Variants in PHF21A observed in about 807,000 individuals in gnomAD.
PHF21A encodes the protein BHC80a.
A neutral mutation model predicts 82.5 loss-of-function variants in PHF21A; 11 were observed. The ratio of observed to expected loss-of-function variants is 0.13; its 90% CI spans 0.08 to 0.22. PHF21A has a LOEUF of 0.22. Among genes scored for constraint, PHF21A ranks in the 10% least tolerant of loss-of-function variants. PHF21A has a pLI of 1.00. For synonymous variants in PHF21A, 297 were observed against 302.8 expected, an observed-to-expected ratio of 0.98 and a Z score of 0.20; for missense variants, 579 against 837.8, an observed-to-expected ratio of 0.69 and a Z score of 3.81.
At chr11:46,005,847 T>C (rs147393274) in intron 6 of PHF21A, among the ~76,000 whole-genome samples, 17 of 152,322 alleles carry the variant, frequency 1.1e-4, no homozygotes, top group Non-Finnish European at 1.8e-4. Context: ...GAAACACTTC[T>C]AATGAAATGT....
At chr11:46,052,868 G>A (rs73453970) in intron 6 of PHF21A, among the ~76,000 whole-genome samples, 2,203 of 152,196 alleles carry the variant, frequency 0.014, 47 homozygotes, top group African/African-American at 0.05. Context: ...ATAAGCAAAG[G>A]CATCACAGAA....
chr11:46,020,147 T>G (rs960401801), intron 6 of PHF21A, among the ~76,000 whole-genome samples: 7 of 152,320 alleles, frequency 4.6e-5, no homozygotes, highest in African/African-American at 1.4e-4. Context: ...GTAATCAGGC[T>G]GGGAATATGA....
intron 11 of PHF21A, among the ~76,000 whole-genome samples, chr11:45,950,851 C>T (rs918464842): frequency 2.6e-5 from 4 of 152,166 alleles, no homozygotes; most frequent in African/African-American, 7.2e-5. Flanking sequence ...TCACTTGTCA[C>T]GACTAGGTCA....
At chr11:45,969,180 C>G (rs1026924452) in intron 9 of PHF21A, among the ~76,000 whole-genome samples, 1 of 152,120 alleles carries the variant, frequency 6.6e-6, no homozygotes, top group Non-Finnish European at 1.5e-5. Context: ...GCCTTCCTAC[C>G]AAGGAAGTCA....
intron 1 of PHF21A, among the ~76,000 whole-genome samples, chr11:46,102,833 A>G (rs908296614): frequency 6.6e-6 from 1 of 152,252 alleles, no homozygotes; most frequent in East Asian, 1.9e-4. Flanking sequence ...GTTAAAGCTT[A>G]AGGTTTTGAT....
At chr11:46,074,605 C>A (rs1462703075) in intron 6 of PHF21A, among the ~76,000 whole-genome samples, 1 of 152,158 alleles carries the variant, frequency 6.6e-6, no homozygotes, top group Non-Finnish European at 1.5e-5. Flanking sequence ...TGGGTTCAAG[C>A]AATTCTCCTG....
intron 11 of PHF21A, among the ~76,000 whole-genome samples, chr11:45,950,552 A>T (rs184689881): frequency 2.0e-4 from 31 of 152,154 alleles, no homozygotes; most frequent in African/African-American, 7.5e-4. Context: ...CGCAAAAAAA[A>T]CTCATGATGT....
chr11:46,038,214 C>A (rs2096057165), intron 6 of PHF21A, among the ~76,000 whole-genome samples: 1 of 151,922 alleles, frequency 6.6e-6, no homozygotes, highest in South Asian at 2.1e-4. Context: ...GCAACCTCTG[C>A]CTCCCAGTTT....
rs191867985 is a variant in PHF21A at position 46,037,435 on chromosome 11, A to G, written c.153+39319T>C. Among the ~76,000 whole-genome samples, 280 of 152,282 alleles carry G rather than the reference A, an allele frequency of 1.8e-3. 12 individuals are homozygous for G. In the East Asian group the frequency reaches 0.044, roughly 24 times the overall value. ...GGCAGGCAGATCACCTGAGGTCAGG[A>G]GTTCAAGACCAGCCTGGTCAACATG... On this transcript the variant is annotated intron_variant, in intron 6 of 18. Transcript: ENST00000676320.
chr11:45,985,678 G>A (rs2094466889), intron 6 of PHF21A, among the ~76,000 whole-genome samples: 1 of 152,128 alleles, frequency 6.6e-6, no homozygotes, highest in Non-Finnish European at 1.5e-5. Flanking sequence ...CAGACTCTCT[G>A]AGATTCACAA....
At chr11:46,076,690 C>A in intron 6 of PHF21A, 64 bp downstream of exon 6, 2 of 1,295,232 alleles carry the variant, frequency 1.5e-6, no homozygotes, top group Non-Finnish European at 2.2e-6. Context: ...CTCTTAGAAG[C>A]CTCGAGCAGA....
At chr11:45,987,111 T>C (rs2094515404) in intron 6 of PHF21A, among the ~76,000 whole-genome samples, 1 of 152,130 alleles carries the variant, frequency 6.6e-6, no homozygotes, top group Non-Finnish European at 1.5e-5. Context: ...CCAAGCACAG[T>C]GGCTCATGCC....
At chr11:45,967,835 A>G (rs2093538366) in intron 9 of PHF21A, among the ~76,000 whole-genome samples, 1 of 152,246 alleles carries the variant, frequency 6.6e-6, no homozygotes, top group Admixed American at 6.5e-5. Flanking sequence ...CTCTGTAATC[A>G]GCATGTGCCT....
intron 18 of PHF21A, chr11:45,934,809 C>A (rs2088461194): frequency 2.9e-6 from 1 of 348,670 alleles, no homozygotes; most frequent in Non-Finnish European, 5.6e-6. Context: ...GAGTCTTTTG[C>A]CCTTTTGCCC....
chr11:45,937,545 ACCTCCGCTCACTGCAG>A (rs1321825446), intron 16 of PHF21A, among the ~76,000 whole-genome samples: 5 of 152,018 alleles, frequency 3.3e-5, no homozygotes, highest in Non-Finnish European at 5.9e-5. Flanking sequence ...CAGTGGTGTG[ACCTCCGCTCACTGCAG>A]CCTCCACCTC....
intron 7 of PHF21A, among the ~76,000 whole-genome samples, chr11:45,977,654 C>T (rs1161555876): frequency 6.6e-6 from 1 of 152,138 alleles, no homozygotes; most frequent in Non-Finnish European, 1.5e-5. Flanking sequence ...AGAACTAATA[C>T]AAGTGCTGGT....
At chr11:46,012,989 TC>T (rs1436716133) in intron 6 of PHF21A, among the ~76,000 whole-genome samples, 4 of 152,198 alleles carry the variant, frequency 2.6e-5, no homozygotes, top group African/African-American at 9.7e-5. Flanking sequence ...GGGAGTATGT[TC>T]CAAGTCCCCC....
chr11:46,110,709 T>C (rs1461914531), intron 1 of PHF21A, among the ~76,000 whole-genome samples: 2 of 152,124 alleles, frequency 1.3e-5, no homozygotes, highest in African/African-American at 2.4e-5. Flanking sequence ...GCTTATAAAG[T>C]AGAAGCATAT....
intron 1 of PHF21A, among the ~76,000 whole-genome samples, chr11:46,106,993 T>A (rs1276193064): frequency 6.6e-6 from 1 of 152,216 alleles, no homozygotes; most frequent in Non-Finnish European, 1.5e-5. Context: ...CCACACCTTT[T>A]ACCAACTGTC....
Sources: gnomAD v4.1 joint callset for allele counts (sites outside exome capture counted in the v4.1 genomes callset) on GRCh38, gnomAD v4.1.1 for gene constraint, MANE v1.5 for transcripts, NCBI Gene and HGNC (gene_info 2026-07-23, HGNC 2026-07-21) for gene names.